TMOD3: variants seen among roughly 807,000 people sequenced by gnomAD.
The protein encoded by TMOD3 is tropomodulin-3.
In TMOD3, 20 loss-of-function variants were observed where a neutral mutation model predicts 39.2. That is an observed-to-expected ratio of 0.51 (90% CI 0.36 to 0.74). The LOEUF is 0.74. Ranked by LOEUF, TMOD3 falls within the 30% of genes least tolerant of loss-of-function variation. The pLI, the probability that TMOD3 is intolerant of heterozygous loss-of-function variation, is 0.00. For missense variants in TMOD3, 381 were observed against 412.8 expected (o/e 0.92, Z 0.67); for synonymous variants, 143 against 145.8 (o/e 0.98, Z 0.14).
At position 51,887,678 on chromosome 15, in the gene TMOD3, A is replaced by G. The variant is rs908235166; in HGVS notation, c.373A>G (p.Ser125Gly). ...LDPELEEALT[S>G]ASDTELCDLA... is the part of the protein sequence containing the mutation. ...TCCAGAATTAGAAGAAGCTTTGACA[A>G]GTGCTTCTGATACAGAATTGTGTGA... Residue 125 changes from serine to glycine, a missense_variant, in exon 4 of 10, where the codon AGT (serine) becomes GGT (glycine). Transcript: ENST00000308580. The G allele has an allele frequency of 1.9e-5, 31 of 1,613,884 alleles. No homozygotes were observed. Among genetic ancestry groups the G allele is most frequent in the Non-Finnish European group, 2.4e-5 (28 of 1,179,978 alleles).
At chr15:51,861,045 A>G (rs992070047) in intron 1 of TMOD3, 3 of 712,974 alleles carry the variant, frequency 4.2e-6, no homozygotes, top group Admixed American at 2.1e-5. Flanking sequence ...AGAATTCTCA[A>G]TCTCATCCTT....
rs751062554 is a variant in TMOD3, at chr15:51,860,518, A to G, written c.-74-2293A>G. On this transcript the variant is annotated intron_variant, in intron 1 of 9. Coordinates refer to ENST00000308580, the MANE Select transcript of TMOD3 (RefSeq NM_014547.5). ...AATAGTTGCCTTGCACTTTCTGAAG[A>G]CAAGCAGTCTTCCATTTCCCATTTG... 57 of 576,774 alleles carry G rather than the reference A, an allele frequency of 9.9e-5. 1 individual carries two copies. Among genetic ancestry groups the G allele is most frequent in the Admixed American group, 9.3e-4 (49 of 52,696 alleles). The allele number at this position is 576,774 out of a possible 1,614,324, so 35.7% of individuals were successfully genotyped here.
intron 3 of TMOD3, among the ~76,000 whole-genome samples, chr15:51,878,374 A>ATGTGTGTGTGTGTGTGTG (rs1445627118): frequency 5.0e-5 from 4 of 80,790 alleles, no homozygotes; most frequent in East Asian, 5.3e-4. Flanking sequence ...TCTTTAAAAT[A>ATGTGTGTGTGTGTGTGTG]TATGTGTGTG....
At position 51,877,417 on chromosome 15, in the gene TMOD3, C is replaced by T. The variant is rs141019687; in HGVS notation, c.283+8044C>T. On this transcript the variant is annotated intron_variant, in intron 3 of 9. Coordinates refer to ENST00000308580, the MANE Select transcript of TMOD3 (RefSeq NM_014547.5). The stretch of plus-strand genomic sequence containing the variant: ...TAGGTGGGCCAGGCACGGTGGCTCA[C>T]GCCTGTAATCCCAACATTTTGGGAG... Among the ~76,000 whole-genome samples, 1,157 of 152,210 alleles carry T rather than the reference C, an allele frequency of 7.6e-3. 17 individuals are homozygous for T. The highest frequency in any genetic ancestry group is 0.027 in the African/African-American group (1,111 of 41,520).
At chr15:51,889,258 C>T (rs1040991625) in intron 5 of TMOD3, 113 bp downstream of exon 5, 4 of 657,240 alleles carry the variant, frequency 6.1e-6, no homozygotes, top group Non-Finnish European at 7.9e-6. Context: ...GTACTTGAAA[C>T]CTGACATTTC....
rs1555387131 is a variant in TMOD3 at position 51,879,856 on chromosome 15, T to TCTCACACACACACA, written c.284-7732_284-7731insTCACACACACACAC. Among the ~76,000 whole-genome samples, 1,064 of 142,644 alleles carry TCTCACACACACACA rather than the reference T, an allele frequency of 7.5e-3. 11 individuals carry two copies. The highest frequency in any genetic ancestry group is 0.025 in the African/African-American group (963 of 38,296). The allele number at this position is 142,644 out of a possible 152,430, so 93.6% of individuals were successfully genotyped here. The stretch of plus-strand genomic sequence containing the variant: ...CAATCTCTTTCTCTCTCTCTGTCTT[T>TCTCACACACACACA]CACACACACACACACACACACACAC... On this transcript the variant is annotated intron_variant, in intron 3 of 9. Transcript: ENST00000308580.
chr15:51,892,729 G>T (rs991007279), intron 5 of TMOD3, among the ~76,000 whole-genome samples: 1 of 152,138 alleles, frequency 6.6e-6, no homozygotes, highest in African/African-American at 2.4e-5. Flanking sequence ...CTTTAAGTCT[G>T]TGATTCTTAC....
At chr15:51,895,669 T>A (rs532396770) in intron 6 of TMOD3, among the ~76,000 whole-genome samples, 1 of 152,252 alleles carries the variant, frequency 6.6e-6, no homozygotes, top group East Asian at 1.9e-4. Flanking sequence ...CTTCAAGTAG[T>A]GTAGGGTTAA....
intron 5 of TMOD3, among the ~76,000 whole-genome samples, chr15:51,890,650 C>G (rs945389199): frequency 2.6e-5 from 4 of 152,156 alleles, no homozygotes; most frequent in African/African-American, 9.7e-5. Context: ...TACACAAAGT[C>G]AGTGGTAAGG....
intron 1 of TMOD3, among the ~76,000 whole-genome samples, chr15:51,847,330 A>T (rs995152613): frequency 1.3e-5 from 2 of 152,238 alleles, no homozygotes; most frequent in Admixed American, 1.3e-4. Context: ...TCTGCAATCT[A>T]TAAATTTCAT....
rs1339340390 is a variant in TMOD3, at chr15:51,855,234, G to C, written c.-74-7577G>C. On this transcript the variant is annotated intron_variant, in intron 1 of 9. Coordinates refer to ENST00000308580, the MANE Select transcript of TMOD3 (RefSeq NM_014547.5). ...TGATGAGGGGAGCACCTCTAGAGCA[G>C]TAGATCTCAAAGTATAGTTCCTGAC... Among the ~76,000 whole-genome samples the C allele has an allele frequency of 2.0e-5, 3 of 152,242 alleles. No homozygotes were observed. In the East Asian group the frequency reaches 5.8e-4, roughly 29 times the overall value.
Position 51,869,354 on chromosome 15 carries a change from C to G in TMOD3, c.264C>G (p.Pro88=), listed in dbSNP as rs138055623. The change falls in exon 3 of 10, where the codon CCC becomes CCG. Residue 88 remains proline, a synonymous_variant. Coordinates refer to ENST00000308580, the MANE Select transcript of TMOD3 (RefSeq NM_014547.5). ...LEHKDREDYV[P]YTGEKKGKIF... is the part of the protein sequence containing the mutation. ...ATAAAGACAGGGAAGACTATGTGCC[C>G]TACACTGGAGAAAAAAAAGGTAAGC... 6 of 1,611,940 alleles carry G rather than the reference C, an allele frequency of 3.7e-6. No homozygotes were observed. The highest frequency in any genetic ancestry group is 5.1e-6 in the Non-Finnish European group (6 of 1,179,506).
intron 3 of TMOD3, among the ~76,000 whole-genome samples, chr15:51,879,242 A>G (rs2141695078): frequency 6.6e-6 from 1 of 152,254 alleles, no homozygotes; most frequent in South Asian, 2.1e-4. Flanking sequence ...TTGTAGTTGC[A>G]GAAACATTGC....
At chr15:51,853,790 TAAAA>T (rs74342679) in intron 1 of TMOD3, among the ~76,000 whole-genome samples, 2,123 of 126,510 alleles carry the variant, frequency 0.017, 59 homozygotes, top group East Asian at 0.08. Flanking sequence ...CACTGTCTCT[TAAAA>T]AAAAAAAAAA....
chr15:51,840,474 TTAACA>T (rs1043664717), intron 1 of TMOD3, among the ~76,000 whole-genome samples: 1 of 152,212 alleles, frequency 6.6e-6, no homozygotes, highest in African/African-American at 2.4e-5. Flanking sequence ...ATTTAACAAA[TTAACA>T]TATCAATCCC....
intron 9 of TMOD3, among the ~76,000 whole-genome samples, chr15:51,902,539 C>T (rs1436138693): frequency 1.3e-5 from 2 of 151,952 alleles, no homozygotes; most frequent in Non-Finnish European, 2.9e-5. Context: ...GGCGCCATCT[C>T]GGCACACTGC....
In TMOD3 at chr15:51,859,436, C is replaced by G. The variant is rs116785495; in HGVS notation, c.-74-3375C>G. 1.1e-3 allele frequency: 726 copies of G among 665,850 alleles called. 6 individuals carry two copies. In the African/African-American group the frequency reaches 0.013, roughly 11 times the overall value. 41.2% of individuals were successfully genotyped at this position (665,850 alleles called of 1,614,324 possible). On this transcript the variant is annotated intron_variant, in intron 1 of 9. Transcript: ENST00000308580. The stretch of plus-strand genomic sequence containing the variant: ...GATTCTTGCTGTTTTCAAACTGAAT[C>G]ATTTTCCTGAAAAAGTCAACTGAAA...
intron 3 of TMOD3, among the ~76,000 whole-genome samples, chr15:51,870,303 C>G (rs569740480): frequency 1.3e-5 from 2 of 152,300 alleles, no homozygotes; most frequent in East Asian, 3.9e-4. Context: ...AGTTTTTCAG[C>G]TTTCCAAACA....
intron 2 of TMOD3, among the ~76,000 whole-genome samples, chr15:51,865,946 C>CT (rs1012911447): frequency 6.6e-6 from 1 of 151,968 alleles, no homozygotes; most frequent in Non-Finnish European, 1.5e-5. Flanking sequence ...CTAGGAAGAG[C>CT]TTTTTTTCCC....
Sources: allele counts gnomAD v4.1 joint callset (sites outside exome capture counted in the v4.1 genomes callset), GRCh38; gene constraint gnomAD v4.1.1; transcripts MANE v1.5; gene names NCBI Gene and HGNC (gene_info 2026-07-23, HGNC 2026-07-21).